IGF2R: variants seen among roughly 807,000 people sequenced by gnomAD.
IGF2R encodes the protein cation-independent mannose-6-phosphate receptor.
In IGF2R, 91 loss-of-function variants were observed where a neutral mutation model predicts 270.6. The observed-to-expected ratio is 0.34, with a 90% confidence interval of 0.28 to 0.40. The LOEUF is 0.40. IGF2R is among the 10% of genes least tolerant of loss of function. IGF2R has a pLI of 1.00. For missense variants in IGF2R, 2,805 were observed against 3,188.3 expected, an observed-to-expected ratio of 0.88 and a Z score of 2.90; for synonymous variants, 1,316 against 1,258.9, an observed-to-expected ratio of 1.05 and a Z score of -0.96.
chr6:160,082,660 C>T (rs1056800929), intron 39 of IGF2R, among the ~76,000 whole-genome samples: 8 of 152,170 alleles, frequency 5.3e-5, no homozygotes, highest in African/African-American at 1.7e-4. Flanking sequence ...ATTGAATACC[C>T]GTGTGAGGAA....
chr6:160,047,318 G>C lies in IGF2R; in HGVS notation c.2211G>C (p.Val737=), dbSNP rs1778091838. Residue 737 remains valine (V), a synonymous_variant, in exon 16 of 48, where the codon GTG becomes GTC. Coordinates refer to ENST00000356956, the MANE Select transcript of IGF2R (RefSeq NM_000876.4). ...TTCTCTGTGATCGAGACGCGGGAGT[G>C]GGCTTCCCTGAATATCAGGTAGGAA... ...ITFLCDRDAG[V]GFPEYQEEDN... is the part of the protein sequence containing the mutation. 1 of 1,596,960 alleles carries C rather than the reference G, an allele frequency of 6.3e-7. No homozygotes were observed. The highest frequency in any genetic ancestry group is 1.3e-5 in the African/African-American group (1 of 74,350).
intron 1 of IGF2R, among the ~76,000 whole-genome samples, chr6:159,983,050 A>G (rs1168484937): frequency 6.6e-6 from 1 of 152,184 alleles, no homozygotes; most frequent in Non-Finnish European, 1.5e-5. Context: ...CTGTATCCCT[A>G]TGACATTGTA....
chr6:160,063,785 G>A (rs1327794137), intron 27 of IGF2R, among the ~76,000 whole-genome samples, 155 bp downstream of exon 27: 1 of 150,104 alleles, frequency 6.7e-6, no homozygotes, highest in African/African-American at 2.4e-5. Flanking sequence ...GATTTTGCTT[G>A]ATTTTCTTAA....
At chr6:160,071,042 CAGAAGGCTGGGAGGGAAG>C (rs1778713903) in intron 31 of IGF2R, among the ~76,000 whole-genome samples, 1 of 149,234 alleles carries the variant, frequency 6.7e-6, no homozygotes, top group African/African-American at 2.5e-5. Flanking sequence ...GCCCAGGGCC[CAGAAGGCTGGGAGGGAAG>C]GGTGAAGGGG....
At chr6:159,996,087 C>CTT (rs1021065801) in intron 2 of IGF2R, among the ~76,000 whole-genome samples, 1 of 151,766 alleles carries the variant, frequency 6.6e-6, no homozygotes, top group Non-Finnish European at 1.5e-5. Flanking sequence ...GACAGAGACT[C>CTT]TGAGTTTCTT....
At chr6:159,992,630 AAACAC>A in intron 2 of IGF2R, among the ~76,000 whole-genome samples, 1 of 150,852 alleles carries the variant, frequency 6.6e-6, no homozygotes, top group Non-Finnish European at 1.5e-5. Flanking sequence ...ACACACACAC[AAACAC>A]ACACCACATT....
At chr6:160,081,525 A>G (rs986938929) in intron 39 of IGF2R, among the ~76,000 whole-genome samples, 4 of 152,214 alleles carry the variant, frequency 2.6e-5, no homozygotes, top group Non-Finnish European at 4.4e-5. Context: ...ACACATTGTG[A>G]GGGTTCAAGA....
At chr6:160,090,755 C>T (rs1270579834) in intron 44 of IGF2R, among the ~76,000 whole-genome samples, 1 of 152,242 alleles carries the variant, frequency 6.6e-6, no homozygotes, top group Non-Finnish European at 1.5e-5. Context: ...TAAAGAAAAC[C>T]CCAGCCTGCT....
chr6:159,990,457 T>G (rs1042529040), intron 1 of IGF2R, among the ~76,000 whole-genome samples: 1 of 152,208 alleles, frequency 6.6e-6, no homozygotes, highest in African/African-American at 2.4e-5. Context: ...TTGCTTCCCC[T>G]TCTGTCACGA....
At chr6:160,097,247 C>T (rs954053373) in intron 45 of IGF2R, among the ~76,000 whole-genome samples, 3 of 152,324 alleles carry the variant, frequency 2.0e-5, no homozygotes, top group Non-Finnish European at 2.9e-5. Flanking sequence ...TACTTTGCCA[C>T]GAATAACATG....
intron 1 of IGF2R, among the ~76,000 whole-genome samples, chr6:159,971,524 G>A (rs1338294394): frequency 6.6e-6 from 1 of 152,200 alleles, no homozygotes; most frequent in Non-Finnish European, 1.5e-5. Context: ...AATCATTTCA[G>A]AGACGGATTT....
intron 29 of IGF2R, among the ~76,000 whole-genome samples, 178 bp from the exon 30 acceptor site, chr6:160,068,066 GTGTGT>G (rs1435712076): frequency 2.6e-5 from 1 of 39,114 alleles, no homozygotes; most frequent in African/African-American, 7.6e-5. Flanking sequence ...CTGATGGGGG[GTGTGT>G]GTGTGTGTGT....
At position 160,046,537 on chromosome 6, in the gene IGF2R, G is replaced by C; in HGVS notation, c.1943G>C (p.Gly648Ala). The C allele has an allele frequency of 2.5e-6, 4 of 1,612,960 alleles. No individual in the cohort carries two copies. The highest frequency in any genetic ancestry group is 3.4e-6 in the Non-Finnish European group (4 of 1,179,738). Residue 648 changes from glycine to alanine, a missense_variant, in exon 15 of 48, where the codon GGT (glycine) becomes GCT (alanine). Coordinates refer to ENST00000356956, the MANE Select transcript of IGF2R (RefSeq NM_000876.4). ...TTATCACCTCTCACAAAGAAAAATG[G>C]TGCCTATAAAGTTGAGACAAAGAAG... is the stretch of plus-strand genomic sequence containing the variant. ...FDLSPLTKKNGAYKVETKKYD... is the reference protein window; with the variant it reads ...FDLSPLTKKNAAYKVETKKYD...
rs751430016 is a variant in IGF2R, at chr6:160,040,547, T to C, written c.1316-13T>C. ...ACGTATGGAGTTTAAATTTCTCCTC[T>C]TGAATTGTGCAGGTAACGATGGGAA... is the stretch of plus-strand genomic sequence containing the variant. On this transcript the variant is annotated splice_polypyrimidine_tract_variant and intron_variant, in intron 10 of 47. Transcript: ENST00000356956. 1.2e-5 allele frequency: 20 copies of C among 1,613,380 alleles called. No homozygotes were observed. The highest frequency in any genetic ancestry group is 3.3e-4 in the Middle Eastern group (2 of 6,078).
chr6:160,066,474 T>C (rs1321262674), intron 29 of IGF2R, among the ~76,000 whole-genome samples: 4 of 152,106 alleles, frequency 2.6e-5, no homozygotes, highest in Admixed American at 6.6e-5. Flanking sequence ...ATTTTTATGC[T>C]AAGTTTTTAA....
intron 2 of IGF2R, chr6:160,006,959 C>A (rs1784251192): frequency 1.5e-5 from 2 of 131,848 alleles, no homozygotes; most frequent in Admixed American, 1.5e-4. Context: ...AAAAAAAAAT[C>A]TGTGTGTTTG....
At chr6:159,984,454 G>T (rs1008566220) in intron 1 of IGF2R, among the ~76,000 whole-genome samples, 3 of 152,198 alleles carry the variant, frequency 2.0e-5, no homozygotes, top group Admixed American at 6.5e-5. Flanking sequence ...GCCGCTTCCA[G>T]TCCTGCAGGC....
At chr6:160,007,741 T>C (rs1784266298) in intron 2 of IGF2R, 1 of 152,250 alleles carries the variant, frequency 6.6e-6, no homozygotes, top group Non-Finnish European at 1.5e-5. Flanking sequence ...TGCATGTGAA[T>C]GTGTATGTAG....
At chr6:160,101,230 GA>G (rs1779478939) in intron 45 of IGF2R, among the ~76,000 whole-genome samples, 3 of 152,214 alleles carry the variant, frequency 2.0e-5, no homozygotes, top group Admixed American at 2.0e-4. Context: ...GTCCAAAGAA[GA>G]AATCAAAGGT....
Sources: gnomAD v4.1 joint callset for allele counts (sites outside exome capture counted in the v4.1 genomes callset) on GRCh38, gnomAD v4.1.1 for gene constraint, MANE v1.5 for transcripts, NCBI Gene and HGNC (gene_info 2026-07-23, HGNC 2026-07-21) for gene names.